STXBP5L: variants seen among roughly 807,000 people sequenced by gnomAD.
STXBP5L encodes the protein syntaxin-binding protein 5-like.
Under a neutral mutation model 144.5 loss-of-function variants are expected in STXBP5L, and 65 were observed. That is an observed-to-expected ratio of 0.45 (90% CI 0.37 to 0.55). The LOEUF (loss-of-function observed/expected upper bound fraction) is 0.55. STXBP5L is among the 20% of genes least tolerant of loss of function. The pLI is 0.00. For missense variants in STXBP5L, 1,298 were observed against 1,405.5 expected (o/e 0.92, Z 1.22); for synonymous variants, 505 against 469.6 (o/e 1.08, Z -0.97).
At position 121,152,555 on chromosome 3, in the gene STXBP5L, G is replaced by A; in HGVS notation, c.748G>A (p.Asp250Asn). ...AAGAGCAGAACTGAGAGTTTATTAT[G>A]ATGAGGTAAGTGATTTCTACCGACA... ...SKRAELRVYYDEAIHSIDWHH... is the reference protein window; with the variant it reads ...SKRAELRVYYNEAIHSIDWHH... Residue 250 changes from aspartate to asparagine, a missense_variant, in exon 8 of 27, where the codon GAT (aspartate) becomes AAT (asparagine). By Grantham distance (23) the Asp-to-Asn change is conservative (BLOSUM62 1). Coordinates refer to ENST00000471454, the MANE Select transcript of STXBP5L (RefSeq NM_001308330.2). 1.9e-6 allele frequency: 3 copies of A among 1,599,250 alleles called. No individual in the cohort carries two copies. Among genetic ancestry groups the A allele is most frequent in the African/African-American group, 1.3e-5 (1 of 74,276 alleles).
intron 18 of STXBP5L, among the ~76,000 whole-genome samples, chr3:121,259,803 G>C (rs975883854): frequency 5.4e-5 from 8 of 148,982 alleles, no homozygotes; most frequent in Non-Finnish European, 1.0e-4. Context: ...TTTATTAGTT[G>C]TTCCTGGTTT....
intron 2 of STXBP5L, among the ~76,000 whole-genome samples, chr3:120,937,989 A>C (rs1433203000): frequency 6.6e-6 from 1 of 152,130 alleles, no homozygotes; most frequent in Non-Finnish European, 1.5e-5. Context: ...AGATGTATCC[A>C]GCATTCTTTT....
At chr3:121,053,997 T>C (rs1254304232) in intron 5 of STXBP5L, among the ~76,000 whole-genome samples, 2 of 152,088 alleles carry the variant, frequency 1.3e-5, no homozygotes, top group Non-Finnish European at 2.9e-5. Context: ...AAAATGCTCA[T>C]CATCACTGGC....
intron 3 of STXBP5L, among the ~76,000 whole-genome samples, chr3:120,967,385 A>G (rs1939721579): frequency 6.6e-6 from 1 of 152,000 alleles, no homozygotes; most frequent in East Asian, 1.9e-4. Context: ...TGTGTCAATC[A>G]CACTGGGAGC....
At chr3:121,412,975 G>A (rs2047152848) in intron 23 of STXBP5L, among the ~76,000 whole-genome samples, 183 bp from the exon 24 acceptor site, 1 of 151,860 alleles carries the variant, frequency 6.6e-6, no homozygotes, top group African/African-American at 2.4e-5. Context: ...CAAGATTGCA[G>A]TGAGCTAACT....
rs186036257 is a variant in STXBP5L, at chr3:120,991,799, C to T, written c.287+36762C>T. Among the ~76,000 whole-genome samples the T allele has an allele frequency of 5.1e-3, 691 of 136,582 alleles. 4 individuals are homozygous for T. Among genetic ancestry groups the T allele is most frequent in the African/African-American group, 0.018 (654 of 36,938 alleles). 89.6% of individuals were successfully genotyped at this position (136,582 alleles called of 152,430 possible). A position where few individuals can be genotyped will look rare whatever the true frequency, so the allele number is the denominator to read the frequency against. ...ACACAGGGTGGCAAACATCACACAC[C>T]GGGGCCTGTTGTGGGGTGGGGGCAG... is the stretch of plus-strand genomic sequence containing the variant. On this transcript the variant is annotated intron_variant, in intron 3 of 26. Coordinates refer to ENST00000471454, the MANE Select transcript of STXBP5L (RefSeq NM_001308330.2).
chr3:121,344,034 C>G (rs1470984312), intron 20 of STXBP5L, among the ~76,000 whole-genome samples: 4 of 152,036 alleles, frequency 2.6e-5, no homozygotes, highest in Admixed American at 6.6e-5. Flanking sequence ...CAGCATGGTA[C>G]TGGTACCAAA....
At chr3:121,158,316 T>C (rs958041125) in intron 9 of STXBP5L, 3 of 152,154 alleles carry the variant, frequency 2.0e-5, no homozygotes, top group African/African-American at 4.8e-5. Context: ...TTATTTGTAA[T>C]AATAGATATG....
At chr3:121,241,267 C>A (rs1000648263) in intron 14 of STXBP5L, among the ~76,000 whole-genome samples, 2 of 152,026 alleles carry the variant, frequency 1.3e-5, no homozygotes, top group African/African-American at 4.8e-5. Context: ...AAAATCCCAA[C>A]AAAATCTAGC....
chr3:120,915,045 C>T (rs1231772823), intron 2 of STXBP5L, among the ~76,000 whole-genome samples: 1 of 152,026 alleles, frequency 6.6e-6, no homozygotes, highest in African/African-American at 2.4e-5. Flanking sequence ...CACATTTTCT[C>T]ACAAAAAGTC....
intron 2 of STXBP5L, among the ~76,000 whole-genome samples, chr3:120,919,154 C>T (rs929899664): frequency 4.6e-5 from 7 of 151,984 alleles, no homozygotes; most frequent in African/African-American, 1.7e-4. Flanking sequence ...GGATTCTCAA[C>T]GTTACTGATT....
At chr3:120,995,208 C>T (rs1010515855) in intron 3 of STXBP5L, among the ~76,000 whole-genome samples, 1 of 152,166 alleles carries the variant, frequency 6.6e-6, no homozygotes. Flanking sequence ...AATGCAATGG[C>T]ATGATCATGG....
intron 3 of STXBP5L, among the ~76,000 whole-genome samples, chr3:120,979,328 C>T (rs539711378): frequency 6.3e-4 from 96 of 152,302 alleles, no homozygotes; most frequent in Non-Finnish European, 9.1e-4. Context: ...AGCAATACTC[C>T]GTGGGCATAG....
intron 3 of STXBP5L, among the ~76,000 whole-genome samples, chr3:121,033,469 C>G (rs1248467331): frequency 2.2e-5 from 3 of 137,164 alleles, no homozygotes; most frequent in Non-Finnish European, 4.6e-5. Context: ...ATACCTAATG[C>G]TAGATGACAC....
chr3:121,365,278 G>C (rs1214221799), intron 20 of STXBP5L, among the ~76,000 whole-genome samples: 2 of 151,828 alleles, frequency 1.3e-5, no homozygotes, highest in Non-Finnish European at 2.9e-5. Flanking sequence ...TGGCCTTATA[G>C]ATTGAGTTAG....
chr3:121,282,623 G>A (rs370421139), intron 19 of STXBP5L, among the ~76,000 whole-genome samples: 3 of 151,998 alleles, frequency 2.0e-5, no homozygotes, highest in South Asian at 4.1e-4. Flanking sequence ...TTTATTTTGA[G>A]GAGGAAGAGC....
At chr3:121,374,792 A>G (rs922183429) in intron 20 of STXBP5L, among the ~76,000 whole-genome samples, 5 of 151,966 alleles carry the variant, frequency 3.3e-5, no homozygotes, top group African/African-American at 1.2e-4. Flanking sequence ...TGGAGGGAGG[A>G]AAAGAGGGAG....
chr3:120,931,676 C>A (rs984741341), intron 2 of STXBP5L, among the ~76,000 whole-genome samples: 1 of 152,100 alleles, frequency 6.6e-6, no homozygotes, highest in Non-Finnish European at 1.5e-5. Flanking sequence ...AAAAAAATTT[C>A]TCATTATTAG....
intron 5 of STXBP5L, among the ~76,000 whole-genome samples, chr3:121,093,233 C>CT (rs1436046000): frequency 2.0e-5 from 3 of 152,116 alleles, no homozygotes; most frequent in Non-Finnish European, 2.9e-5. Context: ...CTAAAATTCT[C>CT]TTTTTTGGTT....
Sources: gnomAD v4.1 joint callset for allele counts (sites outside exome capture counted in the v4.1 genomes callset) on GRCh38, gnomAD v4.1.1 for gene constraint, MANE v1.5 for transcripts, NCBI Gene and HGNC (gene_info 2026-07-23, HGNC 2026-07-21) for gene names.